The following TTC28 variants were observed in gnomAD, a reference collection of about 807,000 sequenced individuals.
TTC28 encodes the protein tetratricopeptide repeat protein 28.
A neutral mutation model predicts 198.0 loss-of-function variants in TTC28; 61 were observed. The observed-to-expected ratio is 0.31, with a 90% CI of 0.25 to 0.38. TTC28 has a LOEUF of 0.38. Among genes scored for constraint, TTC28 ranks in the 10% least tolerant of loss-of-function variants. The probability of loss-of-function intolerance (pLI) is 1.00; values close to 1 mark genes in which losing one functional copy is unlikely to be tolerated. For missense variants in TTC28, 2,678 were observed against 3,164.0 expected, an observed-to-expected ratio of 0.85 and a Z score of 3.69; for synonymous variants, 1,171 against 1,297.8, an observed-to-expected ratio of 0.90 and a Z score of 2.10.
At chr22:28,535,036 T>G (rs1193781623) in intron 2 of TTC28, among the ~76,000 whole-genome samples, 1 of 152,026 alleles carries the variant, frequency 6.6e-6, no homozygotes, top group Non-Finnish European at 1.5e-5. Flanking sequence ...TGTACACATG[T>G]GTACACCCTA....
At chr22:28,041,204 A>C (rs917502238) in intron 12 of TTC28, among the ~76,000 whole-genome samples, 2 of 152,184 alleles carry the variant, frequency 1.3e-5, no homozygotes, top group Admixed American at 1.3e-4. Context: ...GCTACCAATG[A>C]CTTTCTTCAC....
intron 2 of TTC28, among the ~76,000 whole-genome samples, chr22:28,364,232 A>T (rs1245489798): frequency 6.6e-6 from 1 of 152,020 alleles, no homozygotes; most frequent in East Asian, 1.9e-4. Flanking sequence ...ATGAGATCTG[A>T]TGGTTTTATA....
intron 2 of TTC28, among the ~76,000 whole-genome samples, chr22:28,516,111 C>T (rs1246759216): frequency 6.6e-6 from 1 of 151,080 alleles, no homozygotes; most frequent in East Asian, 1.9e-4. Flanking sequence ...TGCCATTACA[C>T]TCCAGCCTGG....
chr22:28,591,047 A>ATC (rs2050425792), intron 2 of TTC28, among the ~76,000 whole-genome samples: 1 of 40,506 alleles, frequency 2.5e-5, no homozygotes, highest in Non-Finnish European at 4.4e-5. Context: ...ACACATATAT[A>ATC]TATATATATA....
chr22:28,199,548 T>TATATATATATATATATATACACAC lies in TTC28; in HGVS notation c.934-35950_934-35949insGTGTGTATATATATATATATATAT, dbSNP rs60177369. On this transcript the variant is annotated intron_variant, in intron 5 of 22. Coordinates refer to ENST00000397906, the MANE Select transcript of TTC28 (RefSeq NM_001145418.2). ...ACCTATACATATATATATATATATATACACACAAACACTAAATTATTTGTG... is the reference window on the plus strand; with the variant it reads ...ACCTATACATATATATATATATATATATATATATATATATATATACACACACACACAAACACTAAATTATTTGTG... Among the ~76,000 whole-genome samples, 10 of 147,434 alleles carry TATATATATATATATATATACACAC rather than the reference T, an allele frequency of 6.8e-5. 1 individual carries two copies. The highest frequency in any genetic ancestry group is 2.5e-4 in the African/African-American group (10 of 39,408).
At chr22:28,003,417 A>G (rs1937796182) in intron 14 of TTC28, among the ~76,000 whole-genome samples, 1 of 152,164 alleles carries the variant, frequency 6.6e-6, no homozygotes, top group African/African-American at 2.4e-5. Context: ...GCCACCTGCC[A>G]TGTGCAAAAC....
chr22:28,168,773 G>A lies in TTC28; in HGVS notation c.934-5174C>T, dbSNP rs568103752. Among the ~76,000 whole-genome samples the A allele has an allele frequency of 5.1e-4, 77 of 152,240 alleles. No homozygotes were observed. The East Asian group carries it at 7.9e-3, about 16-fold the overall frequency. The stretch of plus-strand genomic sequence containing the variant: ...GGACATAGGCATGGCCAAGGACTTC[G>A]TGTCTAAAACACCAAAAGCAATGGC... On this transcript the variant is annotated intron_variant, in intron 5 of 22. Transcript: ENST00000397906.
intron 11 of TTC28, among the ~76,000 whole-genome samples, chr22:28,094,671 A>G (rs1307656428): frequency 2.6e-5 from 4 of 152,280 alleles, no homozygotes; most frequent in African/African-American, 9.6e-5. Flanking sequence ...GTGTTCCAAC[A>G]GAGCTTTCAT....
chr22:28,677,243 CAATAA>C (rs2052012220), intron 1 of TTC28, among the ~76,000 whole-genome samples: 3 of 137,552 alleles, frequency 2.2e-5, no homozygotes, highest in South Asian at 2.3e-4. Flanking sequence ...GAAATGAAAC[CAATAA>C]AATAAAATTC....
At position 28,166,833 on chromosome 22, in the gene TTC28, T is replaced by C. The variant is rs576131733; in HGVS notation, c.934-3234A>G. Among the ~76,000 whole-genome samples, 6 of 152,246 alleles carry C rather than the reference T, an allele frequency of 3.9e-5. No individual in the cohort carries two copies. In the South Asian group the frequency reaches 8.3e-4, roughly 21 times the overall value. On this transcript the variant is annotated intron_variant, in intron 5 of 22. Transcript: ENST00000397906. The stretch of plus-strand genomic sequence containing the variant: ...GAAATAACTAAGATCAGAGCAGAAC[T>C]GAAGGAGATAGAGACACAAAAAACC...
intron 12 of TTC28, among the ~76,000 whole-genome samples, chr22:28,079,605 C>T (rs181039863): frequency 1.1e-3 from 166 of 152,278 alleles, no homozygotes; most frequent in African/African-American, 3.0e-3. Context: ...GCCAATCACA[C>T]ACAAAAAGAC....
In TTC28 at chr22:28,226,545, G is replaced by A. The variant is rs1338450698; in HGVS notation, c.934-62946C>T. ...AGGTTCACGTAATTCTCCCACCTCC[G>A]CCTTCCGAGTAGCTGGGACTACAGG... On this transcript the variant is annotated intron_variant, in intron 5 of 22. Coordinates refer to ENST00000397906, the MANE Select transcript of TTC28 (RefSeq NM_001145418.2). Among the ~76,000 whole-genome samples the A allele has an allele frequency of 3.9e-5, 6 of 151,938 alleles. No homozygotes were observed. In the East Asian group the frequency reaches 9.7e-4, roughly 25 times the overall value.
chr22:28,519,573 T>C (rs189517818), intron 2 of TTC28, among the ~76,000 whole-genome samples: 2 of 152,198 alleles, frequency 1.3e-5, no homozygotes, highest in Non-Finnish European at 2.9e-5. Flanking sequence ...ATACTAACTC[T>C]CCCCCAATTT....
At chr22:28,541,068 A>G (rs1213257388) in intron 2 of TTC28, among the ~76,000 whole-genome samples, 3 of 152,224 alleles carry the variant, frequency 2.0e-5, no homozygotes, top group Non-Finnish European at 4.4e-5. Flanking sequence ...GTTATTTACC[A>G]CACCCTCCAA....
At chr22:28,478,055 C>T (rs538266977) in intron 2 of TTC28, among the ~76,000 whole-genome samples, 1 of 152,320 alleles carries the variant, frequency 6.6e-6, no homozygotes, top group South Asian at 2.1e-4. Flanking sequence ...TTGTATACCT[C>T]TCAAGTTTTG....
chr22:28,345,799 A>G (rs1317281060), intron 2 of TTC28, among the ~76,000 whole-genome samples: 1 of 152,240 alleles, frequency 6.6e-6, no homozygotes, highest in Non-Finnish European at 1.5e-5. Flanking sequence ...GAGCTTGAAC[A>G]GTAACGTAGT....
intron 1 of TTC28, among the ~76,000 whole-genome samples, chr22:28,661,232 C>A (rs576134115): frequency 6.6e-6 from 1 of 151,932 alleles, no homozygotes; most frequent in Non-Finnish European, 1.5e-5. Context: ...TGCGGTGAGT[C>A]GAGATCGTGC....
At chr22:28,494,337 C>T (rs2048422306) in intron 2 of TTC28, among the ~76,000 whole-genome samples, 1 of 152,138 alleles carries the variant, frequency 6.6e-6, no homozygotes, top group Admixed American at 6.5e-5. Flanking sequence ...GTTCCAGCAT[C>T]CTGGGTTCCT....
intron 22 of TTC28, among the ~76,000 whole-genome samples, chr22:27,984,186 G>A (rs962915608): frequency 6.6e-6 from 1 of 152,044 alleles, no homozygotes; most frequent in Non-Finnish European, 1.5e-5. Context: ...TGCTCCTGGG[G>A]TGGGGGCCCT....
Sources: allele counts gnomAD v4.1 joint callset (sites outside exome capture counted in the v4.1 genomes callset), GRCh38; gene constraint gnomAD v4.1.1; transcripts MANE v1.5; gene names NCBI Gene and HGNC (gene_info 2026-07-23, HGNC 2026-07-21).